The following PAK2 variants were observed in gnomAD, a reference collection of about 807,000 sequenced individuals.
PAK2 encodes p21 (RAC1) activated kinase 2, also known as serine/threonine-protein kinase PAK 2.
In PAK2, 21 loss-of-function variants were observed where a neutral mutation model predicts 65.9. That is an observed-to-expected ratio of 0.32 (90% CI 0.23 to 0.46). PAK2 has a LOEUF of 0.46. PAK2 is among the 20% of genes least tolerant of loss of function. The pLI is 1.00. For synonymous variants in PAK2, 204 were observed against 219.7 expected (o/e 0.93, Z 0.63); for missense variants, 324 against 642.6 (o/e 0.50, Z 5.36).
intron 13 of PAK2, among the ~76,000 whole-genome samples, chr3:196,826,813 C>T (rs140105248): frequency 1.8e-3 from 278 of 151,762 alleles, no homozygotes; most frequent in African/African-American, 6.2e-3. Context: ...CCCAGCTACT[C>T]GGGAGGCTGA....
intron 2 of PAK2, among the ~76,000 whole-genome samples, chr3:196,783,655 T>A (rs572898265): frequency 3.9e-5 from 6 of 152,180 alleles, no homozygotes; most frequent in African/African-American, 1.4e-4. Flanking sequence ...AGCCTAGAAT[T>A]TTATCAGTAC....
chr3:196,806,656 T>TA lies in PAK2; in HGVS notation c.547dup (p.Ile183AsnfsTer18). 1 of 1,610,988 alleles carries TA rather than the reference T, an allele frequency of 6.2e-7. No individual in the cohort carries two copies. The highest frequency in any genetic ancestry group is 8.5e-7 in the Non-Finnish European group (1 of 1,177,160). On this transcript the variant is annotated frameshift_variant, in exon 6 of 15. Transcript: ENST00000327134. LOFTEE classifies it high-confidence loss of function. ...ATGATGAAGAGACTGCTCCTCCCGT[T>TA]ATTGCCCCGCGACCGGATCATACGA...
intron 2 of PAK2, among the ~76,000 whole-genome samples, chr3:196,786,528 A>G (rs1373703541): frequency 6.6e-6 from 1 of 152,148 alleles, no homozygotes. Flanking sequence ...TTGAGGTCAT[A>G]AAGACATTTT....
At position 196,812,825 on chromosome 3, in the gene PAK2, TC is replaced by T; in HGVS notation, c.912del (p.Asn305ThrfsTer11). 1 of 1,528,056 alleles carries T rather than the reference TC, an allele frequency of 6.5e-7. No individual in the cohort carries two copies. Among genetic ancestry groups the T allele is most frequent in the Non-Finnish European group, 9.1e-7 (1 of 1,102,488 alleles). 94.7% of individuals were successfully genotyped at this position (1,528,056 alleles called of 1,614,324 possible). On this transcript the variant is annotated frameshift_variant, in exon 10 of 15. Transcript: ENST00000327134. LOFTEE classifies it high-confidence loss of function. ...TTCTGGTGATGAAAGAATTGAAAAA[TC>T]CCAACATCGTTAACTTTTTGGACAG... ...EILVMKELKN[P>X]NIVNFLDSYL...
chr3:196,775,380 AT>A (rs199939194), intron 1 of PAK2, among the ~76,000 whole-genome samples: 2,808 of 151,662 alleles, frequency 0.019, 87 homozygotes, highest in African/African-American at 0.063. Context: ...TAGAAAAAAT[AT>A]TTATTTATTT....
At chr3:196,805,972 C>T (rs1056895700) in intron 5 of PAK2, among the ~76,000 whole-genome samples, 1 of 151,384 alleles carries the variant, frequency 6.6e-6, no homozygotes, top group Non-Finnish European at 1.5e-5. Context: ...AGTGCAGTGG[C>T]GCAATCTTGG....
chr3:196,810,595 A>G lies in PAK2; in HGVS notation c.715A>G (p.Ile239Val). The change falls in exon 8 of 15, where the codon ATC becomes GTC. Residue 239 changes from isoleucine to valine, a missense_variant. By Grantham distance (29) the Ile-to-Val change is conservative. Around this residue, in one of 5 missense-constraint regions of PAK2, gnomAD observed 183 missense variants for 246.2 expected, o/e 0.74. Coordinates refer to ENST00000327134, the MANE Select transcript of PAK2 (RefSeq NM_002577.4). ...CAGCTTTTTGTTTATTCTAGGAACTATCGTGAGCATAGGTGACCCTAAGAA... is the reference window on the plus strand; with the variant it reads ...CAGCTTTTTGTTTATTCTAGGAACTGTCGTGAGCATAGGTGACCCTAAGAA... ...DEEIMEKLRT[I>V]VSIGDPKKKY... 3.2e-6 allele frequency: 5 copies of G among 1,559,220 alleles called. No individual in the cohort carries two copies. The highest frequency in any genetic ancestry group is 4.5e-5 in the East Asian group (2 of 44,494).
chr3:196,811,246 C>T lies in PAK2; in HGVS notation c.773+593C>T, dbSNP rs200772559. On this transcript the variant is annotated intron_variant, in intron 8 of 14. Transcript: ENST00000327134. Reference sequence around the variant, plus strand: ...CTCCCTTCCCTTCCCTTCCTTCCCTCCCTCCCCTCCCTCCCTTCCTTCCCT... The same window carrying T: ...CTCCCTTCCCTTCCCTTCCTTCCCTTCCTCCCCTCCCTCCCTTCCTTCCCT... Among the ~76,000 whole-genome samples, 40 of 21,146 alleles carry T rather than the reference C, an allele frequency of 1.9e-3. 1 individual carries two copies. Among genetic ancestry groups the T allele is most frequent in the Non-Finnish European group, 2.7e-3 (24 of 8,968 alleles). The allele number at this position is 21,146 out of a possible 152,430, so 13.9% of individuals were successfully genotyped here.
intron 1 of PAK2, among the ~76,000 whole-genome samples, chr3:196,773,351 T>C (rs1714420648): frequency 6.6e-6 from 1 of 152,200 alleles, no homozygotes. Flanking sequence ...TACCTAATAT[T>C]GTTTTTGGCT....
Position 196,781,610 on chromosome 3 carries a change from T to C in PAK2, c.-21-1016T>C, listed in dbSNP as rs550885577. Reference sequence around the variant, plus strand: ...TGATTATCTGCAAAACTCAAAAGACTAATGTGTGTAAATTAGGATGTCAAA... The same window carrying C: ...TGATTATCTGCAAAACTCAAAAGACCAATGTGTGTAAATTAGGATGTCAAA... On this transcript the variant is annotated intron_variant, in intron 1 of 14. Coordinates refer to ENST00000327134, the MANE Select transcript of PAK2 (RefSeq NM_002577.4). 6.6e-5 allele frequency among the ~76,000 whole-genome samples: 10 copies of C among 152,328 alleles called. No individual in the cohort carries two copies. In the South Asian group the frequency reaches 2.1e-3, roughly 32 times the overall value.
At chr3:196,803,534 A>G (rs1029107835) in intron 4 of PAK2, among the ~76,000 whole-genome samples, 7 of 152,222 alleles carry the variant, frequency 4.6e-5, no homozygotes, top group African/African-American at 1.4e-4. Flanking sequence ...CTAGAAACAC[A>G]TTTATTGTTA....
At chr3:196,775,209 C>T (rs190782496) in intron 1 of PAK2, among the ~76,000 whole-genome samples, 6 of 152,166 alleles carry the variant, frequency 3.9e-5, no homozygotes, top group Admixed American at 2.0e-4. Context: ...TTAAAGGGTA[C>T]GTCATGTTAA....
At chr3:196,755,742 GC>G (rs59631440) in intron 1 of PAK2, among the ~76,000 whole-genome samples, 1,600 of 152,188 alleles carry the variant, frequency 0.011, 23 homozygotes, top group African/African-American at 0.037. Context: ...ACAGGCGTGA[GC>G]CACTGCACCC....
intron 11 of PAK2, among the ~76,000 whole-genome samples, chr3:196,817,332 T>C (rs1711511270): frequency 6.6e-6 from 1 of 151,512 alleles, no homozygotes; most frequent in South Asian, 2.1e-4. Flanking sequence ...ACCTGGCTAA[T>C]TTTTCTTTCT....
chr3:196,800,903 T>C (rs1200806922), intron 2 of PAK2, among the ~76,000 whole-genome samples: 1 of 151,890 alleles, frequency 6.6e-6, no homozygotes. Flanking sequence ...AGGGATGTCA[T>C]GGACGGTAAC....
chr3:196,784,665 TGAATA>T (rs1371362670), intron 2 of PAK2, among the ~76,000 whole-genome samples: 1 of 144,812 alleles, frequency 6.9e-6, no homozygotes, highest in Non-Finnish European at 1.5e-5. Context: ...TTTGCTATTG[TGAATA>T]ATGCCGCAAT....
chr3:196,829,076 G>A lies in PAK2; in HGVS notation c.*671G>A, dbSNP rs1342731073. On this transcript the variant is annotated 3_prime_UTR_variant, in exon 15 of 15. Transcript: ENST00000327134. Reference sequence around the variant, plus strand: ...AAAAAGTCAGTTTTAGAAATTTCGTGGTAGTAAGTTCGGCATTTGTTACAT... The same window carrying A: ...AAAAAGTCAGTTTTAGAAATTTCGTAGTAGTAAGTTCGGCATTTGTTACAT... 6.6e-6 allele frequency: 1 copy of A among 152,622 alleles called. No homozygotes were observed. Among genetic ancestry groups the A allele is most frequent in the Non-Finnish European group, 1.5e-5 (1 of 68,060 alleles). 9.5% of individuals were successfully genotyped at this position (152,622 alleles called of 1,614,324 possible). A position where few individuals can be genotyped will look rare whatever the true frequency, so the allele number is the denominator to read the frequency against.
intron 1 of PAK2, among the ~76,000 whole-genome samples, chr3:196,740,939 A>G (rs1009864516): frequency 2.0e-5 from 3 of 152,342 alleles, no homozygotes; most frequent in South Asian, 2.1e-4. Context: ...GAAGCGTGTC[A>G]TCGTCAGTGG....
chr3:196,772,474 A>T (rs1469984491), intron 1 of PAK2, among the ~76,000 whole-genome samples: 2 of 152,120 alleles, frequency 1.3e-5, no homozygotes, highest in Non-Finnish European at 2.9e-5. Context: ...CGTTATCCAG[A>T]CCTTTATCTT....
Sources: gnomAD v4.1 joint callset for allele counts (sites outside exome capture counted in the v4.1 genomes callset) on GRCh38, gnomAD v4.1.1 for gene constraint, gnomAD v4.1.1 regional missense constraint, MANE v1.5 for transcripts, NCBI Gene and HGNC (gene_info 2026-07-23, HGNC 2026-07-21) for gene names.